TRDN: variants seen among roughly 807,000 people sequenced by gnomAD.
TRDN encodes the protein triadin in skeletal muscle.
A neutral mutation model predicts 149.7 loss-of-function variants in TRDN; 161 were observed. The observed-to-expected ratio is 1.08, with a 90% CI of 0.95 to 1.23. The LOEUF (loss-of-function observed/expected upper bound fraction) is 1.23, where lower values mean the gene tolerates loss of function less well. Among genes scored for constraint, TRDN ranks in the 50% most tolerant of loss-of-function variants. The pLI is 0.00. For missense variants in TRDN, 896 were observed against 823.5 expected (o/e 1.09, Z -1.08); for synonymous variants, 294 against 250.5 (o/e 1.17, Z -1.64).
intron 20 of TRDN, among the ~76,000 whole-genome samples, chr6:123,353,597 T>G (rs1384188353): frequency 6.6e-6 from 1 of 151,680 alleles, no homozygotes; most frequent in Non-Finnish European, 1.5e-5. Flanking sequence ...CAAAAATGTC[T>G]ATAAGGTAAC....
intron 12 of TRDN, among the ~76,000 whole-genome samples, chr6:123,414,762 C>A (rs924637687): frequency 6.6e-6 from 1 of 152,024 alleles, no homozygotes; most frequent in Non-Finnish European, 1.5e-5. Context: ...ATTCTGCTCA[C>A]AATTAGTAAT....
At chr6:123,499,719 A>AAAAATATAT in intron 8 of TRDN, among the ~76,000 whole-genome samples, 1 of 47,684 alleles carries the variant, frequency 2.1e-5, no homozygotes. Flanking sequence ...AAAAAAAAAA[A>AAAAATATAT]ATATATATAT....
At chr6:123,325,720 T>C (rs1779424526) in intron 23 of TRDN, among the ~76,000 whole-genome samples, 1 of 152,134 alleles carries the variant, frequency 6.6e-6, no homozygotes, top group Non-Finnish European at 1.5e-5. Flanking sequence ...GGAATATTTA[T>C]GGTCTCTAGA....
chr6:123,260,760 C>T (rs1377710907), intron 33 of TRDN, 122 bp from the exon 34 acceptor site: 14 of 796,452 alleles, frequency 1.8e-5, no homozygotes, highest in Non-Finnish European at 2.2e-5. Context: ...TCCTAAATTA[C>T]AATAGGCACA....
intron 23 of TRDN, among the ~76,000 whole-genome samples, chr6:123,323,243 A>G (rs755324794): frequency 6.6e-6 from 1 of 152,056 alleles, no homozygotes; most frequent in South Asian, 2.1e-4. Context: ...GGTGTGCATT[A>G]TCTTCAGATA....
intron 1 of TRDN, among the ~76,000 whole-genome samples, chr6:123,578,941 G>T (rs1321489355): frequency 6.6e-6 from 1 of 151,988 alleles, no homozygotes; most frequent in African/African-American, 2.4e-5. Flanking sequence ...TCCTGATTTG[G>T]CTGTCAGCTT....
Position 123,502,034 on chromosome 6 carries a change from A to G in TRDN, c.793+1685T>C, listed in dbSNP as rs900012721. The G allele has an allele frequency of 4.1e-6, 4 of 984,268 alleles. No individual in the cohort carries two copies. The African/African-American group carries it at 5.2e-5, about 13-fold the overall frequency. The allele number at this position is 984,268 out of a possible 1,614,324, so 61.0% of individuals were successfully genotyped here. On this transcript the variant is annotated intron_variant, in intron 8 of 40. Transcript: ENST00000334268. The stretch of plus-strand genomic sequence containing the variant: ...CTAGTTGTTAGATAAGTATTTTGAC[A>G]TTTCCAAATATAACTGGCATCAATT...
chr6:123,483,334 C>T (rs1225004467), intron 9 of TRDN, among the ~76,000 whole-genome samples: 1 of 151,728 alleles, frequency 6.6e-6, no homozygotes, highest in African/African-American at 2.4e-5. Flanking sequence ...GGTCTCCTGA[C>T]CTTGTGATCC....
In TRDN at chr6:123,612,986, C is replaced by A. The variant is rs74537180; in HGVS notation, c.22+23768G>T. Among the ~76,000 whole-genome samples, 65 of 152,246 alleles carry A rather than the reference C, an allele frequency of 4.3e-4. No individual in the cohort carries two copies. In the East Asian group the frequency reaches 0.012, roughly 28 times the overall value. On this transcript the variant is annotated intron_variant, in intron 1 of 40. Coordinates refer to ENST00000334268, the MANE Select transcript of TRDN (RefSeq NM_006073.4). ...TTCTATAATTCCACCTACTTATCAT[C>A]ATGACATTTCTTTCTCATCATAGAA...
intron 20 of TRDN, among the ~76,000 whole-genome samples, chr6:123,360,189 G>A (rs1382061470): frequency 1.3e-5 from 2 of 152,094 alleles, no homozygotes; most frequent in Non-Finnish European, 2.9e-5. Flanking sequence ...TTATTGGGCA[G>A]TTGAACATAC....
chr6:123,436,521 C>T (rs796811933), intron 12 of TRDN, among the ~76,000 whole-genome samples: 27 of 152,128 alleles, frequency 1.8e-4, no homozygotes, highest in African/African-American at 5.3e-4. Flanking sequence ...GATATTTCTA[C>T]GCATTTCTAT....
chr6:123,218,331 C>T lies in TRDN; in HGVS notation c.*270G>A. On this transcript the variant is annotated 3_prime_UTR_variant, in exon 41 of 41. Transcript: ENST00000334268. ...AGTAAACTTTAAATTAGTTTGTGTACAACCTTATAGTGACTGGAAATAAGA... is the reference window on the plus strand; with the variant it reads ...AGTAAACTTTAAATTAGTTTGTGTATAACCTTATAGTGACTGGAAATAAGA... 3.7e-6 allele frequency: 1 copy of T among 271,892 alleles called. No homozygotes were observed. The highest frequency in any genetic ancestry group is 6.9e-6 in the Non-Finnish European group (1 of 145,620). 16.8% of individuals were successfully genotyped at this position (271,892 alleles called of 1,614,324 possible). A position where few individuals can be genotyped will look rare whatever the true frequency, so the allele number is the denominator to read the frequency against.
At chr6:123,590,563 G>A (rs2114616390) in intron 1 of TRDN, among the ~76,000 whole-genome samples, 1 of 152,266 alleles carries the variant, frequency 6.6e-6, no homozygotes, top group Admixed American at 6.5e-5. Flanking sequence ...AGGAGTTTGA[G>A]ACCAGCCTGG....
chr6:123,429,552 A>G (rs1015230758), intron 12 of TRDN, among the ~76,000 whole-genome samples: 1 of 152,196 alleles, frequency 6.6e-6, no homozygotes, highest in Non-Finnish European at 1.5e-5. Flanking sequence ...TCACATCTGC[A>G]TTATTAAATA....
chr6:123,344,745 T>C (rs1012470802), intron 21 of TRDN, among the ~76,000 whole-genome samples: 1 of 152,064 alleles, frequency 6.6e-6, no homozygotes, highest in African/African-American at 2.4e-5. Context: ...AACATTTGTG[T>C]GCAGGTTTTT....
intron 38 of TRDN, among the ~76,000 whole-genome samples, chr6:123,249,728 ATG>A (rs916829053): frequency 3.3e-4 from 51 of 152,282 alleles, no homozygotes; most frequent in African/African-American, 1.2e-3. Context: ...GAGCTAAATG[ATG>A]TGTACACATG....
intron 7 of TRDN, among the ~76,000 whole-genome samples, chr6:123,508,145 A>G (rs569161180): frequency 9.3e-4 from 141 of 152,298 alleles, no homozygotes; most frequent in African/African-American, 3.3e-3. Flanking sequence ...GAGCTCTTGG[A>G]GTTTCCCTAG....
At chr6:123,500,317 T>C (rs1778644398) in intron 8 of TRDN, among the ~76,000 whole-genome samples, 1 of 152,186 alleles carries the variant, frequency 6.6e-6, no homozygotes, top group Non-Finnish European at 1.5e-5. Context: ...GGATGCCCAT[T>C]TCCACCTGTC....
chr6:123,446,411 T>G (rs1351889824), intron 10 of TRDN, among the ~76,000 whole-genome samples: 1 of 151,092 alleles, frequency 6.6e-6, no homozygotes, highest in African/African-American at 2.4e-5. Context: ...AATAAATAAA[T>G]GAATTACCTA....
Sources: allele counts gnomAD v4.1 joint callset (sites outside exome capture counted in the v4.1 genomes callset), GRCh38; gene constraint gnomAD v4.1.1; transcripts MANE v1.5; gene names NCBI Gene and HGNC (gene_info 2026-07-23, HGNC 2026-07-21).